Variants in CDH12 observed in about 807,000 individuals in gnomAD.
CDH12 encodes cadherin 12.
In CDH12, 41 loss-of-function variants were observed where a neutral mutation model predicts 74.1. The observed-to-expected ratio is 0.55, with a 90% CI of 0.43 to 0.72. CDH12 has a LOEUF of 0.72. Among genes scored for constraint, CDH12 ranks in the 30% least tolerant of loss-of-function variants. CDH12 has a pLI of 0.00. For synonymous variants in CDH12, 399 were observed against 355.0 expected, an observed-to-expected ratio of 1.12 and a Z score of -1.39; for missense variants, 945 against 977.2, an observed-to-expected ratio of 0.97 and a Z score of 0.44.
intron 8 of CDH12, among the ~76,000 whole-genome samples, chr5:21,833,300 ATTATATG>A (rs1228891006): frequency 1.2e-3 from 61 of 50,696 alleles, no homozygotes; most frequent in South Asian, 1.8e-3. Context: ...TATAATATAT[ATTATATG>A]TTATATGTTA....
At chr5:22,421,085 T>G (rs2126496154) in intron 2 of CDH12, among the ~76,000 whole-genome samples, 1 of 152,306 alleles carries the variant, frequency 6.6e-6, no homozygotes, top group Admixed American at 6.5e-5. Context: ...CTTAAGAAGC[T>G]TTTGGGCTGA....
At chr5:22,250,709 T>G (rs1015173165) in intron 3 of CDH12, among the ~76,000 whole-genome samples, 1 of 152,212 alleles carries the variant, frequency 6.6e-6, no homozygotes. Context: ...GGATGGTAAA[T>G]GTATCACGTG....
intron 9 of CDH12, among the ~76,000 whole-genome samples, chr5:21,812,238 G>A (rs1252367349): frequency 6.6e-6 from 1 of 151,912 alleles, no homozygotes; most frequent in Non-Finnish European, 1.5e-5. Context: ...AAAATAACTG[G>A]TGTTTAAAAA....
intron 2 of CDH12, among the ~76,000 whole-genome samples, chr5:22,495,901 T>C (rs575759618): frequency 2.3e-4 from 35 of 152,344 alleles, no homozygotes; most frequent in Admixed American, 1.6e-3. Flanking sequence ...TTGAAAATTC[T>C]AGAGGAAAAC....
chr5:22,303,185 T>G (rs1715362598), intron 3 of CDH12, among the ~76,000 whole-genome samples: 1 of 152,060 alleles, frequency 6.6e-6, no homozygotes, highest in Non-Finnish European at 1.5e-5. Flanking sequence ...TTTAAATATA[T>G]GAAAGGACGT....
intron 1 of CDH12, among the ~76,000 whole-genome samples, chr5:22,559,547 T>C (rs1392296936): frequency 6.6e-6 from 1 of 152,078 alleles, no homozygotes; most frequent in Non-Finnish European, 1.5e-5. Flanking sequence ...TATAAATTAA[T>C]AATAAAATAA....
At chr5:22,430,984 C>T (rs1744146440) in intron 2 of CDH12, among the ~76,000 whole-genome samples, 1 of 152,048 alleles carries the variant, frequency 6.6e-6, no homozygotes. Context: ...TTTATATGAA[C>T]AAGTGTGAAC....
At chr5:21,788,334 A>G (rs1038934601) in intron 10 of CDH12, among the ~76,000 whole-genome samples, 3 of 152,164 alleles carry the variant, frequency 2.0e-5, no homozygotes, top group African/African-American at 7.2e-5. Flanking sequence ...TGAGGGGAGG[A>G]ATAGACGGTG....
chr5:22,501,521 T>G (rs1318112812), intron 2 of CDH12, among the ~76,000 whole-genome samples: 1 of 152,156 alleles, frequency 6.6e-6, no homozygotes, highest in African/African-American at 2.4e-5. Flanking sequence ...TCTCTCCTTG[T>G]TATTCTGTGT....
At chr5:22,381,418 T>A (rs1741753516) in intron 3 of CDH12, among the ~76,000 whole-genome samples, 1 of 152,080 alleles carries the variant, frequency 6.6e-6, no homozygotes, top group Non-Finnish European at 1.5e-5. Context: ...TTACATTTCA[T>A]TTTATTCTAT....
chr5:22,846,847 C>T (rs1217084723), intron 1 of CDH12, among the ~76,000 whole-genome samples: 1 of 152,158 alleles, frequency 6.6e-6, no homozygotes, highest in Non-Finnish European at 1.5e-5. Context: ...ATTTATACCT[C>T]TTTCCCTCAT....
chr5:22,424,906 A>T (rs1335323740), intron 2 of CDH12, among the ~76,000 whole-genome samples: 1 of 151,960 alleles, frequency 6.6e-6, no homozygotes, highest in Non-Finnish European at 1.5e-5. Flanking sequence ...GATATGACAT[A>T]AAAATGAACT....
At chr5:22,372,105 G>A (rs1461754882) in intron 3 of CDH12, among the ~76,000 whole-genome samples, 1 of 152,196 alleles carries the variant, frequency 6.6e-6, no homozygotes, top group Non-Finnish European at 1.5e-5. Flanking sequence ...TTAGTTCAGA[G>A]TGGCTGGTGT....
At chr5:22,831,860 G>A (rs1031712146) in intron 1 of CDH12, among the ~76,000 whole-genome samples, 2 of 151,838 alleles carry the variant, frequency 1.3e-5, no homozygotes, top group African/African-American at 4.8e-5. Flanking sequence ...TTGCACCACC[G>A]CACTCCAGCC....
chr5:22,557,374 A>G (rs1367150197), intron 1 of CDH12, among the ~76,000 whole-genome samples: 1 of 152,116 alleles, frequency 6.6e-6, no homozygotes, highest in African/African-American at 2.4e-5. Flanking sequence ...CTGAGAGGCC[A>G]TAAGGCATCA....
intron 1 of CDH12, among the ~76,000 whole-genome samples, chr5:22,842,655 T>C (rs556856452): frequency 6.6e-6 from 1 of 152,270 alleles, no homozygotes; most frequent in African/African-American, 2.4e-5. Context: ...GAACGAAAGA[T>C]GAAATCCCAT....
At chr5:22,064,573 A>G (rs1741431278) in intron 5 of CDH12, among the ~76,000 whole-genome samples, 1 of 152,204 alleles carries the variant, frequency 6.6e-6, no homozygotes, top group African/African-American at 2.4e-5. Flanking sequence ...AGAGATATGT[A>G]GAATATCACT....
At chr5:22,149,571 C>T (rs1336358848) in intron 4 of CDH12, among the ~76,000 whole-genome samples, 1 of 152,194 alleles carries the variant, frequency 6.6e-6, no homozygotes, top group Non-Finnish European at 1.5e-5. Flanking sequence ...GTTTCTTCTG[C>T]TTCCTGAACC....
At chr5:22,845,692 T>C (rs909663017) in intron 1 of CDH12, among the ~76,000 whole-genome samples, 2 of 152,078 alleles carry the variant, frequency 1.3e-5, no homozygotes, top group Admixed American at 6.6e-5. Context: ...AAACCAAGAT[T>C]TACATGAAAC....
Sources: allele counts gnomAD v4.1 joint callset (sites outside exome capture counted in the v4.1 genomes callset), GRCh38; gene constraint gnomAD v4.1.1; transcripts MANE v1.5; gene names NCBI Gene and HGNC (gene_info 2026-07-23, HGNC 2026-07-21).